The following OOSP4B variants were observed in gnomAD, a reference collection of about 807,000 sequenced individuals.
OOSP4B encodes oocyte secreted protein family member 4B, also known as oocyte-secreted protein 4B.
chr11:60,030,921 A>G lies in OOSP4B; in HGVS notation c.*87A>G, dbSNP rs147886812. On this transcript the variant is annotated 3_prime_UTR_variant, in exon 5 of 5. Transcript: ENST00000642343. ...AAAACCAGTTTCATCAATACTGTTGATGTGTCTGTACAAAGATGAGTAGCA... is the reference window on the plus strand; with the variant it reads ...AAAACCAGTTTCATCAATACTGTTGGTGTGTCTGTACAAAGATGAGTAGCA... The G allele has an allele frequency of 1.0e-3, 410 of 397,526 alleles. 1 individual carries two copies. Among genetic ancestry groups the G allele is most frequent in the African/African-American group, 7.8e-3 (380 of 48,692 alleles). The allele number at this position is 397,526 out of a possible 1,614,324, so 24.6% of individuals were successfully genotyped here.
intron 1 of OOSP4B, among the ~76,000 whole-genome samples, chr11:60,020,992 T>G (rs1253085778): frequency 2.0e-5 from 3 of 152,250 alleles, no homozygotes; most frequent in Admixed American, 2.0e-4. Flanking sequence ...CTAGCCATAA[T>G]GCTTGGCACA....
intron 3 of OOSP4B, among the ~76,000 whole-genome samples, chr11:60,027,655 TAAAAA>T (rs61649958): frequency 0.028 from 1,761 of 62,200 alleles, 70 homozygotes; most frequent in African/African-American, 0.077. Flanking sequence ...GCTATGATAT[TAAAAA>T]AAAAAAAAAA....
chr11:60,021,429 T>C (rs1205246960), intron 1 of OOSP4B: 1 of 152,194 alleles, frequency 6.6e-6, no homozygotes, highest in Non-Finnish European at 1.5e-5. Context: ...CTTACTGTTA[T>C]TCTAATTCTC....
At chr11:60,018,321 A>G (rs1854646559) in intron 1 of OOSP4B, among the ~76,000 whole-genome samples, 1 of 151,972 alleles carries the variant, frequency 6.6e-6, no homozygotes, top group Non-Finnish European at 1.5e-5. Context: ...ACATTTGGCA[A>G]TGTTTAGAGG....
exon 2 of OOSP4B, chr11:60,024,055 G>A (rs1271692690): frequency 2.5e-6 from 1 of 398,388 alleles, no homozygotes; most frequent in Non-Finnish European, 4.4e-6. Context: ...GTGGGATCAA[G>A]AAAATTGTAA....
chr11:60,019,759 A>G (rs893394033), intron 1 of OOSP4B, among the ~76,000 whole-genome samples: 2 of 152,176 alleles, frequency 1.3e-5, no homozygotes, highest in African/African-American at 2.4e-5. Context: ...CAAAGAATAA[A>G]GCTTCCACAG....
chr11:60,020,761 A>C (rs1014624680), intron 1 of OOSP4B, among the ~76,000 whole-genome samples: 2 of 152,242 alleles, frequency 1.3e-5, no homozygotes, highest in Admixed American at 1.3e-4. Flanking sequence ...GAGGGCTGCC[A>C]GCACGCTGTC....
chr11:60,028,593 G>GT (rs1305772615), intron 3 of OOSP4B, among the ~76,000 whole-genome samples: 14 of 152,080 alleles, frequency 9.2e-5, no homozygotes, highest in Non-Finnish European at 1.2e-4. Flanking sequence ...TTCATACTTA[G>GT]TTTTCTTCCT....
chr11:60,021,770 G>C (rs1444666985), intron 1 of OOSP4B, among the ~76,000 whole-genome samples: 1 of 152,148 alleles, frequency 6.6e-6, no homozygotes, highest in African/African-American at 2.4e-5. Flanking sequence ...GATCACCTGA[G>C]GTCAGGAGTT....
chr11:60,020,057 G>C (rs1458649518), intron 1 of OOSP4B, among the ~76,000 whole-genome samples: 1 of 152,196 alleles, frequency 6.6e-6, no homozygotes, highest in Admixed American at 6.5e-5. Context: ...CAAACGCTGA[G>C]CTAGACACAG....
intron 1 of OOSP4B, among the ~76,000 whole-genome samples, chr11:60,021,767 T>C (rs1231067322): frequency 1.3e-5 from 2 of 152,140 alleles, no homozygotes; most frequent in African/African-American, 2.4e-5. Flanking sequence ...GTGGATCACC[T>C]GAGGTCAGGA....
In OOSP4B at chr11:60,028,165, GT is replaced by G. The variant is rs763877046; in HGVS notation, c.303-1607del. ...TGCAGAAAGTAGTTTCGTAGTCACTGTTTTTTTTTTCTTTTTTTGAGACGGC... is the reference window on the plus strand; with the variant it reads ...TGCAGAAAGTAGTTTCGTAGTCACTGTTTTTTTTTCTTTTTTTGAGACGGC... On this transcript the variant is annotated intron_variant, in intron 3 of 4. Transcript: ENST00000642343. Among the ~76,000 whole-genome samples the G allele has an allele frequency of 1.3e-3, 185 of 146,766 alleles. 1 individual carries two copies. The East Asian group carries it at 0.028, about 23-fold the overall frequency.
At chr11:60,020,963 G>C (rs141138563) in intron 1 of OOSP4B, among the ~76,000 whole-genome samples, 228 of 152,276 alleles carry the variant, frequency 1.5e-3, no homozygotes, top group African/African-American at 4.8e-3. Context: ...ATTTTTTATG[G>C]CATTTTTGTA....
chr11:60,019,941 A>C (rs1477188675), intron 1 of OOSP4B, among the ~76,000 whole-genome samples: 1 of 152,030 alleles, frequency 6.6e-6, no homozygotes, highest in Non-Finnish European at 1.5e-5. Context: ...TAGACACAAA[A>C]GTTCTCCACA....
chr11:60,025,390 A>G (rs1022728872), intron 3 of OOSP4B, among the ~76,000 whole-genome samples: 4 of 152,238 alleles, frequency 2.6e-5, no homozygotes, highest in South Asian at 2.1e-4. Flanking sequence ...GCATTTGTCA[A>G]CTGAGCTTTA....
intron 1 of OOSP4B, 31 bp from the exon 2 acceptor site, chr11:60,023,849 C>T: frequency 2.5e-6 from 1 of 398,436 alleles, no homozygotes. Context: ...AGTATACTAC[C>T]ATATTACTTT....
At chr11:60,022,810 A>T (rs1854707309) in intron 1 of OOSP4B, among the ~76,000 whole-genome samples, 1 of 151,978 alleles carries the variant, frequency 6.6e-6, no homozygotes, top group Non-Finnish European at 1.5e-5. Flanking sequence ...TGTGTGCCTG[A>T]TATTGTAAAA....
At chr11:60,028,148 G>C (rs1463653928) in intron 3 of OOSP4B, among the ~76,000 whole-genome samples, 1 of 151,124 alleles carries the variant, frequency 6.6e-6, no homozygotes, top group Non-Finnish European at 1.5e-5. Flanking sequence ...CTTGCAGAAA[G>C]TAGTTTCGTA....
intron 1 of OOSP4B, among the ~76,000 whole-genome samples, chr11:60,022,528 A>T (rs1854702565): frequency 6.6e-6 from 1 of 152,208 alleles, no homozygotes; most frequent in Non-Finnish European, 1.5e-5. Flanking sequence ...AGCATGTATC[A>T]AGTTGGTAAC....
Sources: gnomAD v4.1 joint callset for allele counts (sites outside exome capture counted in the v4.1 genomes callset) on GRCh38, gnomAD v4.1.1 for gene constraint, MANE v1.5 for transcripts, NCBI Gene and HGNC (gene_info 2026-07-23, HGNC 2026-07-21) for gene names.